The following EPHA6 variants were observed in gnomAD, a reference collection of about 807,000 sequenced individuals.
The protein encoded by EPHA6 is ephrin type-A receptor 6.
In EPHA6, 50 loss-of-function variants were observed where a neutral mutation model predicts 112.0. The ratio of observed to expected loss-of-function variants is 0.45; its 90% confidence interval spans 0.36 to 0.56. The LOEUF (loss-of-function observed/expected upper bound fraction) is 0.56, where lower values mean the gene tolerates loss of function less well. Among genes scored for constraint, EPHA6 ranks in the 20% least tolerant of loss-of-function variants. EPHA6 has a pLI of 0.00. For synonymous variants in EPHA6, 529 were observed against 490.7 expected (o/e 1.08, Z -1.03); for missense variants, 1,280 against 1,417.4 (o/e 0.90, Z 1.56).
chr3:96,915,318 G>A (rs1164948368), intron 2 of EPHA6, among the ~76,000 whole-genome samples: 1 of 151,972 alleles, frequency 6.6e-6, no homozygotes, highest in East Asian at 1.9e-4. Context: ...ATTTCTGTAA[G>A]TGGTACATAA....
At chr3:97,539,986 C>T (rs1243191040) in intron 11 of EPHA6, among the ~76,000 whole-genome samples, 2 of 152,050 alleles carry the variant, frequency 1.3e-5, no homozygotes, top group Non-Finnish European at 2.9e-5. Context: ...CCAAAAAGCA[C>T]TGTTATTAAT....
intron 1 of EPHA6, among the ~76,000 whole-genome samples, chr3:96,839,070 T>A (rs897575987): frequency 6.6e-6 from 1 of 152,180 alleles, no homozygotes; most frequent in African/African-American, 2.4e-5. Flanking sequence ...TGAGTTTTTA[T>A]GTAGTGATTT....
chr3:97,519,830 G>A (rs1256296459), intron 10 of EPHA6, among the ~76,000 whole-genome samples: 2 of 151,150 alleles, frequency 1.3e-5, no homozygotes, highest in Non-Finnish European at 3.0e-5. Context: ...TGTTGATTTT[G>A]TATCCTGTAA....
At chr3:97,496,864 A>C (rs2107540990) in intron 10 of EPHA6, among the ~76,000 whole-genome samples, 1 of 152,122 alleles carries the variant, frequency 6.6e-6, no homozygotes, top group Admixed American at 6.5e-5. Flanking sequence ...GTGAATATTG[A>C]TTATTGTCAT....
chr3:97,252,028 C>T (rs924317545), intron 5 of EPHA6, among the ~76,000 whole-genome samples: 2 of 152,142 alleles, frequency 1.3e-5, no homozygotes, highest in African/African-American at 4.8e-5. Flanking sequence ...AATACAAGAA[C>T]ATTTAACATA....
chr3:97,446,291 TGA>T (rs541922296), intron 6 of EPHA6, among the ~76,000 whole-genome samples: 1,958 of 152,240 alleles, frequency 0.013, 35 homozygotes, highest in African/African-American at 0.044. Context: ...TCACCGGTAG[TGA>T]GTGATTCGGG....
At chr3:96,833,660 T>G (rs538751797) in intron 1 of EPHA6, among the ~76,000 whole-genome samples, 62 of 152,004 alleles carry the variant, frequency 4.1e-4, no homozygotes, top group African/African-American at 1.5e-3. Context: ...TAAACCAGAG[T>G]AAGAGAGCTA....
At chr3:97,059,351 T>A (rs2045947655) in intron 3 of EPHA6, among the ~76,000 whole-genome samples, 1 of 152,132 alleles carries the variant, frequency 6.6e-6, no homozygotes, top group African/African-American at 2.4e-5. Context: ...GGAAAGGAAA[T>A]CTCAGACCCC....
chr3:97,037,609 T>G (rs1049482357), intron 3 of EPHA6, among the ~76,000 whole-genome samples: 1 of 151,890 alleles, frequency 6.6e-6, no homozygotes, highest in African/African-American at 2.4e-5. Flanking sequence ...CTACATGCAG[T>G]GGGAAAACAC....
chr3:97,410,029 G>A (rs1179952191), intron 6 of EPHA6, among the ~76,000 whole-genome samples: 1 of 152,008 alleles, frequency 6.6e-6, no homozygotes, highest in East Asian at 1.9e-4. Flanking sequence ...AATATAAGGA[G>A]ATTTGTGGAA....
chr3:97,272,655 G>T (rs1366712387), intron 5 of EPHA6, among the ~76,000 whole-genome samples: 2 of 152,038 alleles, frequency 1.3e-5, no homozygotes, highest in Non-Finnish European at 2.9e-5. Flanking sequence ...TGGCAGGCAG[G>T]GGTGGGGGTC....
intron 11 of EPHA6, among the ~76,000 whole-genome samples, chr3:97,561,404 CCTTATTACTGATAGGGATAA>C: frequency 6.6e-6 from 1 of 152,028 alleles, no homozygotes; most frequent in East Asian, 1.9e-4. Flanking sequence ...AGTGAAGCAG[CCTTATTACTGATAGGGATAA>C]AGTTTTAGTG....
At chr3:97,553,373 GC>G (rs1250424503) in intron 11 of EPHA6, among the ~76,000 whole-genome samples, 9 of 152,100 alleles carry the variant, frequency 5.9e-5, no homozygotes, top group Admixed American at 2.6e-4. Context: ...ATCTAAAGTA[GC>G]CCTCCCCAAC....
At chr3:97,254,089 G>A (rs896558215) in intron 5 of EPHA6, among the ~76,000 whole-genome samples, 1 of 151,664 alleles carries the variant, frequency 6.6e-6, no homozygotes, top group Non-Finnish European at 1.5e-5. Flanking sequence ...GTTTTTTTTA[G>A]CTGTTTTACA....
chr3:97,726,847 C>T (rs1005678633), intron 15 of EPHA6, among the ~76,000 whole-genome samples: 5 of 152,048 alleles, frequency 3.3e-5, no homozygotes, highest in Middle Eastern at 3.4e-3. Context: ...AAGCAAAACA[C>T]GAACAGCAGG....
chr3:97,147,648 T>C (rs767458230), intron 3 of EPHA6, among the ~76,000 whole-genome samples: 1 of 152,034 alleles, frequency 6.6e-6, no homozygotes, highest in African/African-American at 2.4e-5. Flanking sequence ...CAATTATACA[T>C]AGGAAAAACT....
chr3:96,970,463 C>G (rs2042275354), intron 2 of EPHA6, among the ~76,000 whole-genome samples: 1 of 151,962 alleles, frequency 6.6e-6, no homozygotes, highest in African/African-American at 2.4e-5. Context: ...AATGCTATGG[C>G]TAGGTTAGGA....
At position 97,002,173 on chromosome 3, in the gene EPHA6, T is replaced by A. The variant is rs148434685; in HGVS notation, c.1114+14180T>A. ...ATTAAATATTTTTAATAAAATTAAATGTAAAAATTGTGTTAATTGAAGATT... is the reference window on the plus strand; with the variant it reads ...ATTAAATATTTTTAATAAAATTAAAAGTAAAAATTGTGTTAATTGAAGATT... On this transcript the variant is annotated intron_variant, in intron 3 of 17. Transcript: ENST00000389672. Among the ~76,000 whole-genome samples, 762 of 151,930 alleles carry A rather than the reference T, an allele frequency of 5.0e-3. 6 individuals are homozygous for A. Among genetic ancestry groups the A allele is most frequent in the African/African-American group, 0.017 (692 of 41,550 alleles).
At chr3:97,617,668 A>G (rs1015644238) in intron 13 of EPHA6, among the ~76,000 whole-genome samples, 2 of 152,170 alleles carry the variant, frequency 1.3e-5, no homozygotes, top group African/African-American at 4.8e-5. Context: ...ACCAACAAAG[A>G]TCAAAAAAGA....
Sources: gnomAD v4.1 joint callset for allele counts (sites outside exome capture counted in the v4.1 genomes callset) on GRCh38, gnomAD v4.1.1 for gene constraint, MANE v1.5 for transcripts, NCBI Gene and HGNC (gene_info 2026-07-23, HGNC 2026-07-21) for gene names.